Variants in RAB2A observed in about 807,000 individuals in gnomAD.
RAB2A encodes the protein RAB2A, member RAS oncogene family, also known as ras-related protein Rab-2A.
Under a neutral mutation model 32.5 loss-of-function variants are expected in RAB2A, and 7 were observed. That is an observed-to-expected ratio of 0.22 (90% CI 0.12 to 0.40). RAB2A has a LOEUF of 0.40. Among genes scored for constraint, RAB2A ranks in the 10% least tolerant of loss-of-function variants. The pLI, the probability that RAB2A is intolerant of heterozygous loss-of-function variation, is 1.00. For missense variants in RAB2A, 108 were observed against 260.7 expected, an observed-to-expected ratio of 0.41 and a Z score of 4.03; for synonymous variants, 79 against 85.2, an observed-to-expected ratio of 0.93 and a Z score of 0.40.
intron 2 of RAB2A, among the ~76,000 whole-genome samples, chr8:60,562,936 A>G (rs1487353908): frequency 1.3e-5 from 2 of 152,124 alleles, no homozygotes; most frequent in African/African-American, 4.8e-5. Context: ...AGTATTGTTA[A>G]TGCATGTTTT....
intron 5 of RAB2A, among the ~76,000 whole-genome samples, chr8:60,587,358 A>T (rs902757772): frequency 4.6e-5 from 7 of 152,228 alleles, no homozygotes; most frequent in Non-Finnish European, 8.8e-5. Context: ...TACAAAAATT[A>T]ACTGGAAGTG....
At chr8:60,618,471 C>T (rs181761416) in intron 6 of RAB2A, 109 bp from the exon 7 acceptor site, 207 of 434,580 alleles carry the variant, frequency 4.8e-4, no homozygotes, top group Non-Finnish European at 5.7e-4. Context: ...ATATGTATTA[C>T]GTCGATTGAC....
intron 1 of RAB2A, among the ~76,000 whole-genome samples, chr8:60,547,673 C>A (rs1451294853): frequency 2.6e-4 from 32 of 121,332 alleles, no homozygotes; most frequent in Middle Eastern, 4.5e-3. Context: ...CCACCTCCCT[C>A]CCGGACGGGG....
At chr8:60,619,994 C>G (rs1804503772) in intron 7 of RAB2A, among the ~76,000 whole-genome samples, 1 of 152,254 alleles carries the variant, frequency 6.6e-6, no homozygotes, top group South Asian at 2.1e-4. Context: ...CCCAAGGCTA[C>G]TACTGTTGCA....
At chr8:60,535,912 T>A (rs1004713032) in intron 1 of RAB2A, among the ~76,000 whole-genome samples, 2 of 152,158 alleles carry the variant, frequency 1.3e-5, no homozygotes, top group Non-Finnish European at 2.9e-5. Context: ...CTAGGACACC[T>A]GTCTCCCTGC....
intron 3 of RAB2A, among the ~76,000 whole-genome samples, chr8:60,575,920 G>T (rs1365569901): frequency 6.6e-6 from 1 of 152,146 alleles, no homozygotes. Flanking sequence ...CTCCCAAAGT[G>T]CTGGGATTAT....
At chr8:60,548,894 C>T (rs545802859) in intron 1 of RAB2A, among the ~76,000 whole-genome samples, 154 of 150,650 alleles carry the variant, frequency 1.0e-3, no homozygotes, top group African/African-American at 3.6e-3. Context: ...AGGGTGGCTG[C>T]CGGGCAGAGG....
intron 1 of RAB2A, among the ~76,000 whole-genome samples, chr8:60,529,833 G>A (rs975277681): frequency 6.6e-6 from 1 of 152,092 alleles, no homozygotes; most frequent in Non-Finnish European, 1.5e-5. Context: ...TTATTCTTGT[G>A]CCTGCCTCCT....
intron 1 of RAB2A, among the ~76,000 whole-genome samples, chr8:60,540,291 G>T (rs1807619882): frequency 6.6e-6 from 1 of 151,656 alleles, no homozygotes; most frequent in Non-Finnish European, 1.5e-5. Flanking sequence ...TTCCAGAGAA[G>T]AGGTTCCTAG....
chr8:60,596,388 C>G (rs1237504890), intron 6 of RAB2A, among the ~76,000 whole-genome samples: 1 of 152,082 alleles, frequency 6.6e-6, no homozygotes, highest in Non-Finnish European at 1.5e-5. Flanking sequence ...AAAAATTTTG[C>G]AATCTATCCA....
chr8:60,561,894 C>G (rs1808031186), intron 2 of RAB2A, among the ~76,000 whole-genome samples: 1 of 152,076 alleles, frequency 6.6e-6, no homozygotes, highest in South Asian at 2.1e-4. Flanking sequence ...ATCTTTTGTC[C>G]CCTGTAATGA....
At chr8:60,540,511 TCTCC>T (rs1807623956) in intron 1 of RAB2A, among the ~76,000 whole-genome samples, 1 of 152,150 alleles carries the variant, frequency 6.6e-6, no homozygotes, top group Non-Finnish European at 1.5e-5. Flanking sequence ...AGACAGTCTC[TCTCC>T]GTCGCTCAGG....
chr8:60,587,537 T>C (rs1356170213), intron 5 of RAB2A, among the ~76,000 whole-genome samples: 1 of 152,202 alleles, frequency 6.6e-6, no homozygotes, highest in East Asian at 1.9e-4. Flanking sequence ...TTAAAACTTT[T>C]GTTCTTCAAA....
chr8:60,537,331 C>T (rs1029954524), intron 1 of RAB2A, among the ~76,000 whole-genome samples: 1 of 147,932 alleles, frequency 6.8e-6, no homozygotes, highest in Admixed American at 6.8e-5. Context: ...AAGTGATTCT[C>T]GTGCCCCAGC....
intron 6 of RAB2A, among the ~76,000 whole-genome samples, chr8:60,593,217 C>T (rs1389670451): frequency 6.6e-6 from 1 of 152,164 alleles, no homozygotes; most frequent in African/African-American, 2.4e-5. Context: ...TTCATCGTCA[C>T]GTGACCATCA....
intron 2 of RAB2A, among the ~76,000 whole-genome samples, chr8:60,567,143 G>GTC (rs900221046): frequency 2.0e-5 from 3 of 147,068 alleles, no homozygotes; most frequent in African/African-American, 7.6e-5. Context: ...TTGAGACAGA[G>GTC]TCTCATTCAG....
At chr8:60,584,058 G>GT (rs764615329) in intron 3 of RAB2A, 150 bp from the exon 4 acceptor site, 48 of 633,868 alleles carry the variant, frequency 7.6e-5, no homozygotes, top group Admixed American at 1.3e-4. Context: ...GCGGTGTTTT[G>GT]TAACTTTTTC....
intron 6 of RAB2A, among the ~76,000 whole-genome samples, chr8:60,615,940 C>G (rs1010279485): frequency 1.3e-5 from 2 of 151,836 alleles, no homozygotes; most frequent in African/African-American, 2.4e-5. Context: ...GTAAAACAAC[C>G]CGTTTGTATT....
chr8:60,554,940 G>A (rs1161967005), intron 1 of RAB2A, among the ~76,000 whole-genome samples: 1 of 152,236 alleles, frequency 6.6e-6, no homozygotes, highest in African/African-American at 2.4e-5. Flanking sequence ...AGGCAGAGTG[G>A]AGAGTGTTGA....
Sources: allele counts gnomAD v4.1 joint callset (sites outside exome capture counted in the v4.1 genomes callset), GRCh38; gene constraint gnomAD v4.1.1; transcripts MANE v1.5; gene names NCBI Gene and HGNC (gene_info 2026-07-23, HGNC 2026-07-21).